SLC44A1: variants seen among roughly 807,000 people sequenced by gnomAD.
The protein encoded by SLC44A1 is choline transporter-like protein 1.
Under a neutral mutation model 79.3 loss-of-function variants are expected in SLC44A1, and 26 were observed. The observed-to-expected ratio is 0.33, with a 90% CI of 0.24 to 0.46. SLC44A1 has a LOEUF of 0.46. SLC44A1 is among the 20% of genes least tolerant of loss of function. SLC44A1 has a pLI of 1.00. For missense variants in SLC44A1, 688 were observed against 798.1 expected, an observed-to-expected ratio of 0.86 and a Z score of 1.66; for synonymous variants, 263 against 286.2, an observed-to-expected ratio of 0.92 and a Z score of 0.82.
intron 5 of SLC44A1, among the ~76,000 whole-genome samples, chr9:105,351,586 AAGAGAGAAAG>A (rs1827422831): frequency 9.3e-6 from 1 of 107,480 alleles, no homozygotes; most frequent in African/African-American, 4.1e-5. Context: ...GAAAGAGAGA[AAGAGAGAAAG>A]AGAAAGAAAG....
chr9:105,361,758 A>G (rs1827786946), intron 8 of SLC44A1, among the ~76,000 whole-genome samples: 1 of 152,194 alleles, frequency 6.6e-6, no homozygotes, highest in Non-Finnish European at 1.5e-5. Context: ...CGTTATTTCA[A>G]AAATATAGGT....
chr9:105,266,319 A>G (rs1829960775), intron 1 of SLC44A1, among the ~76,000 whole-genome samples: 1 of 152,144 alleles, frequency 6.6e-6, no homozygotes, highest in Non-Finnish European at 1.5e-5. Flanking sequence ...TTCGCTTCTC[A>G]TCTTTTCCCA....
chr9:105,374,066 G>C (rs1035461736), intron 12 of SLC44A1, among the ~76,000 whole-genome samples: 2 of 152,184 alleles, frequency 1.3e-5, no homozygotes, highest in African/African-American at 4.8e-5. Context: ...CTCCCAGGAA[G>C]AGTAGTGGTA....
At chr9:105,289,716 C>T (rs1383764317) in intron 1 of SLC44A1, among the ~76,000 whole-genome samples, 2 of 152,150 alleles carry the variant, frequency 1.3e-5, no homozygotes, top group African/African-American at 2.4e-5. Context: ...ATAAATTTAC[C>T]AAATTCTGCC....
intron 15 of SLC44A1, among the ~76,000 whole-genome samples, chr9:105,419,914 C>CA (rs59244219): frequency 0.1 from 5,422 of 52,688 alleles, 514 homozygotes; most frequent in African/African-American, 0.28. Context: ...AACTCTGTCT[C>CA]AAAAAAAAAA....
At chr9:105,273,803 AAT>A (rs373861195) in intron 1 of SLC44A1, among the ~76,000 whole-genome samples, 27 of 152,172 alleles carry the variant, frequency 1.8e-4, no homozygotes, top group African/African-American at 6.0e-4. Context: ...TTTCCTCAAC[AAT>A]ATGTGTCTGA....
At chr9:105,259,770 G>A (rs2131209691) in intron 1 of SLC44A1, among the ~76,000 whole-genome samples, 1 of 152,316 alleles carries the variant, frequency 6.6e-6, no homozygotes, top group East Asian at 1.9e-4. Flanking sequence ...AGTGTACACT[G>A]CTGATAGAAG....
At chr9:105,284,676 G>C (rs781551654) in intron 1 of SLC44A1, among the ~76,000 whole-genome samples, 35 of 152,064 alleles carry the variant, frequency 2.3e-4, no homozygotes, top group Non-Finnish European at 4.9e-4. Context: ...TGATGCGGTA[G>C]CTATATGAAA....
chr9:105,323,493 C>T (rs1314214762), intron 3 of SLC44A1, among the ~76,000 whole-genome samples: 3 of 152,064 alleles, frequency 2.0e-5, no homozygotes, highest in Non-Finnish European at 2.9e-5. Flanking sequence ...GCAGTACTTC[C>T]TTGGGTGTTT....
intron 6 of SLC44A1, among the ~76,000 whole-genome samples, chr9:105,357,842 AG>A (rs1827666842): frequency 6.6e-6 from 1 of 152,246 alleles, no homozygotes; most frequent in Non-Finnish European, 1.5e-5. Context: ...AGAAACAGCC[AG>A]AAAAGGATAA....
chr9:105,264,446 C>T (rs1194845317), intron 1 of SLC44A1, among the ~76,000 whole-genome samples: 2 of 152,172 alleles, frequency 1.3e-5, no homozygotes, highest in African/African-American at 2.4e-5. Flanking sequence ...GGATTACAGG[C>T]GTGAGCCCTC....
intron 12 of SLC44A1, among the ~76,000 whole-genome samples, chr9:105,373,793 C>G (rs1564465669): frequency 6.6e-6 from 1 of 152,160 alleles, no homozygotes; most frequent in South Asian, 2.1e-4. Context: ...CCATTCAAAC[C>G]CTCACACCTT....
At chr9:105,317,277 A>C (rs1215358349) in intron 3 of SLC44A1, among the ~76,000 whole-genome samples, 2 of 152,160 alleles carry the variant, frequency 1.3e-5, no homozygotes, top group Admixed American at 6.5e-5. Flanking sequence ...CAGGTTGTAC[A>C]TATGAGTTGA....
chr9:105,398,762 C>T (rs556929711), downstream of SLC44A1, among the ~76,000 whole-genome samples: 28 of 152,308 alleles, frequency 1.8e-4, no homozygotes, highest in African/African-American at 5.5e-4. Context: ...GCCAGTACCT[C>T]GAGAGGCTCT....
intron 12 of SLC44A1, among the ~76,000 whole-genome samples, chr9:105,367,983 T>C (rs186586965): frequency 1.4e-4 from 21 of 152,340 alleles, no homozygotes; most frequent in Non-Finnish European, 2.5e-4. Context: ...AATGAACTGT[T>C]AATTATATTA....
At chr9:105,253,249 T>C (rs1829629920) in intron 1 of SLC44A1, among the ~76,000 whole-genome samples, 1 of 152,196 alleles carries the variant, frequency 6.6e-6, no homozygotes, top group Admixed American at 6.5e-5. Flanking sequence ...TGGATATGTT[T>C]ATAATATGTA....
chr9:105,315,090 GA>G (rs1831284348), intron 3 of SLC44A1, among the ~76,000 whole-genome samples: 1 of 152,078 alleles, frequency 6.6e-6, no homozygotes, highest in East Asian at 1.9e-4. Flanking sequence ...AACGTTTAAA[GA>G]TGAAAGAAAT....
At position 105,394,468 on chromosome 9, in the gene SLC44A1, C is replaced by T. The variant is rs1435883029; in HGVS notation, c.*5412C>T. The T allele has an allele frequency of 1.7e-5, 17 of 971,586 alleles. No homozygotes were observed. The highest frequency in any genetic ancestry group is 1.2e-4 in the East Asian group (1 of 8,312). 60.2% of individuals were successfully genotyped at this position (971,586 alleles called of 1,614,324 possible). ...TTGTGTGTGTGTGTGTGTGTCCTGGCGGTTATTTGGGGGCAAGGTACCAGA... is the reference window on the plus strand; with the variant it reads ...TTGTGTGTGTGTGTGTGTGTCCTGGTGGTTATTTGGGGGCAAGGTACCAGA... On this transcript the variant is annotated 3_prime_UTR_variant, in exon 16 of 16. Transcript: ENST00000374720.
Position 105,362,942 on chromosome 9 carries a change from C to T in SLC44A1, c.1022C>T (p.Thr341Ile). Residue 341 changes from threonine (T) to isoleucine (I), a missense_variant, in exon 9 of 16, where the codon ACT (threonine) becomes ATT (isoleucine). Coordinates refer to ENST00000374720, the MANE Select transcript of SLC44A1 (RefSeq NM_080546.5). ...CTGCTAGTCTTCCAACCCTTCTGGA[C>T]TTTCTTTGCTCTTGTCTTGTTTTGG... Reference protein sequence around the residue: ...LPLLVFQPFWTFFALVLFWVY... With the variant: ...LPLLVFQPFWIFFALVLFWVY... The T allele has an allele frequency of 6.2e-7, 1 of 1,613,928 alleles. No individual in the cohort carries two copies. The highest frequency in any genetic ancestry group is 8.5e-7 in the Non-Finnish European group (1 of 1,179,902).
Sources: gnomAD v4.1 joint callset for allele counts (sites outside exome capture counted in the v4.1 genomes callset) on GRCh38, gnomAD v4.1.1 for gene constraint, MANE v1.5 for transcripts, NCBI Gene and HGNC (gene_info 2026-07-23, HGNC 2026-07-21) for gene names.